Variants in ERBB4 observed in about 807,000 individuals in gnomAD.
ERBB4 encodes the protein erb-b2 receptor tyrosine kinase 4.
In ERBB4, 42 loss-of-function variants were observed where a neutral mutation model predicts 158.0. That is an observed-to-expected ratio of 0.27 (90% CI 0.21 to 0.34). The LOEUF (loss-of-function observed/expected upper bound fraction) is 0.34. Among genes scored for constraint, ERBB4 ranks in the 10% least tolerant of loss-of-function variants. The pLI, the probability that ERBB4 is intolerant of heterozygous loss-of-function variation, is 1.00. For missense variants in ERBB4, 1,333 were observed against 1,624.1 expected (o/e 0.82, Z 3.08); for synonymous variants, 583 against 558.7 (o/e 1.04, Z -0.61).
intron 2 of ERBB4, among the ~76,000 whole-genome samples, chr2:211,993,978 A>G (rs2082138383): frequency 6.6e-6 from 1 of 151,672 alleles, no homozygotes; most frequent in African/African-American, 2.4e-5. Flanking sequence ...GTCTTTTCCC[A>G]TATATTATTT....
At chr2:211,533,964 A>G (rs1193491891) in intron 20 of ERBB4, among the ~76,000 whole-genome samples, 3 of 152,118 alleles carry the variant, frequency 2.0e-5, no homozygotes, top group African/African-American at 7.2e-5. Flanking sequence ...ATGATTTCTT[A>G]TAAACCAGAA....
chr2:212,371,050 C>T (rs143113801), intron 1 of ERBB4, among the ~76,000 whole-genome samples: 2 of 152,206 alleles, frequency 1.3e-5, no homozygotes, highest in Non-Finnish European at 2.9e-5. Flanking sequence ...ATGAGTAAAA[C>T]ATGTCCACAA....
chr2:211,697,860 T>C (rs577700227), intron 12 of ERBB4, among the ~76,000 whole-genome samples: 1 of 152,304 alleles, frequency 6.6e-6, no homozygotes, highest in South Asian at 2.1e-4. Context: ...TACACAGAAA[T>C]TCCACATCTA....
intron 1 of ERBB4, among the ~76,000 whole-genome samples, chr2:212,322,457 C>T (rs1303868501): frequency 6.6e-6 from 1 of 150,492 alleles, no homozygotes; most frequent in African/African-American, 2.4e-5. Flanking sequence ...ATTTTAAAAA[C>T]TATTTTATGT....
chr2:212,505,978 CT>C (rs1691173452), intron 1 of ERBB4, among the ~76,000 whole-genome samples: 1 of 148,760 alleles, frequency 6.7e-6, no homozygotes, highest in African/African-American at 2.4e-5. Flanking sequence ...AGATTTAGAG[CT>C]TGTGGCAACC....
At chr2:211,850,528 G>C (rs2077692795) in intron 3 of ERBB4, among the ~76,000 whole-genome samples, 1 of 151,876 alleles carries the variant, frequency 6.6e-6, no homozygotes, top group Admixed American at 6.6e-5. Flanking sequence ...ACAGGGTACA[G>C]CTTTCTACAG....
intron 16 of ERBB4, among the ~76,000 whole-genome samples, chr2:211,639,914 G>T (rs1331665747): frequency 1.3e-5 from 2 of 152,036 alleles, no homozygotes; most frequent in African/African-American, 4.8e-5. Flanking sequence ...GTAGAGACAG[G>T]GTTTCACCAT....
chr2:212,125,609 T>A (rs1052703777), intron 1 of ERBB4, among the ~76,000 whole-genome samples: 5 of 152,264 alleles, frequency 3.3e-5, no homozygotes, highest in Admixed American at 6.5e-5. Flanking sequence ...TATGTTTTTC[T>A]CCTCTATGTG....
chr2:211,943,160 T>A (rs1209391432), intron 3 of ERBB4, among the ~76,000 whole-genome samples: 1 of 152,060 alleles, frequency 6.6e-6, no homozygotes, highest in Non-Finnish European at 1.5e-5. Flanking sequence ...CAACCATTAG[T>A]AACAGATGAG....
At chr2:211,901,687 T>C (rs2079239134) in intron 3 of ERBB4, among the ~76,000 whole-genome samples, 1 of 152,172 alleles carries the variant, frequency 6.6e-6, no homozygotes, top group South Asian at 2.1e-4. Context: ...TGTTTATTAC[T>C]ATGCATACAT....
chr2:212,411,980 TG>T (rs2091513366), intron 1 of ERBB4, among the ~76,000 whole-genome samples: 1 of 152,172 alleles, frequency 6.6e-6, no homozygotes, highest in Non-Finnish European at 1.5e-5. Flanking sequence ...AGATCAACTC[TG>T]GGAGTTCAAC....
At chr2:212,299,193 G>C (rs1421041105) in intron 1 of ERBB4, among the ~76,000 whole-genome samples, 1 of 151,510 alleles carries the variant, frequency 6.6e-6, no homozygotes, top group Non-Finnish European at 1.5e-5. Context: ...TAACAAATCA[G>C]ACCAACATGC....
chr2:211,518,666 A>G (rs2066106506), intron 20 of ERBB4, among the ~76,000 whole-genome samples: 1 of 151,898 alleles, frequency 6.6e-6, no homozygotes, highest in Non-Finnish European at 1.5e-5. Context: ...AAAAAAAGTT[A>G]GTGTGATTCT....
intron 1 of ERBB4, among the ~76,000 whole-genome samples, chr2:212,277,238 A>C (rs1261984559): frequency 8.6e-5 from 13 of 151,814 alleles, no homozygotes; most frequent in Non-Finnish European, 4.4e-5. Flanking sequence ...ATCAATCTTA[A>C]ACATCTTTGA....
rs746427643 is a variant in ERBB4, at chr2:211,987,541, G to A, written c.235-39925C>T. ...AGGAGAGAGAAATTTAATGAAGGAA[G>A]GGAGGAGGGTGTAAGAAAAGGAAGG... On this transcript the variant is annotated intron_variant, in intron 2 of 27. Coordinates refer to ENST00000342788, the MANE Select transcript of ERBB4 (RefSeq NM_005235.3). Among the ~76,000 whole-genome samples, 65 of 151,780 alleles carry A rather than the reference G, an allele frequency of 4.3e-4. 2 individuals are homozygous for A. Among genetic ancestry groups the A allele is most frequent in the Non-Finnish European group, 4.7e-4 (32 of 67,926 alleles).
intron 1 of ERBB4, among the ~76,000 whole-genome samples, chr2:212,146,696 C>T (rs978908359): frequency 6.6e-6 from 1 of 152,116 alleles, no homozygotes; most frequent in Non-Finnish European, 1.5e-5. Flanking sequence ...CTACGGCAAG[C>T]ATTCACTCTA....
intron 1 of ERBB4, among the ~76,000 whole-genome samples, chr2:212,310,124 A>C (rs2086974288): frequency 6.6e-6 from 1 of 150,756 alleles, no homozygotes; most frequent in Admixed American, 6.6e-5. Flanking sequence ...ATAAAGTCTA[A>C]TATAGGGACT....
In ERBB4 at chr2:212,191,815, T is replaced by TG. The variant is rs2082243383; in HGVS notation, c.83-66913_83-66912insC. 1.1e-4 allele frequency among the ~76,000 whole-genome samples: 15 copies of TG among 137,256 alleles called. No homozygotes were observed. In the South Asian group the frequency reaches 3.4e-3, roughly 31 times the overall value. The allele number at this position is 137,256 out of a possible 152,430, so 90.0% of individuals were successfully genotyped here. ...TTCTATATGTTATATATAATACATGTTATATATGTTCTATGTTATATATAA... is the reference window on the plus strand; with the variant it reads ...TTCTATATGTTATATATAATACATGTGTATATATGTTCTATGTTATATATAA... On this transcript the variant is annotated intron_variant, in intron 1 of 27. Transcript: ENST00000342788.
In ERBB4 at chr2:211,681,439, T is replaced by G. The variant is rs549540018; in HGVS notation, c.1490-2255A>C. Reference sequence around the variant, plus strand: ...ATTAACTTTTTAAGAAACTGTCAAATTGTTTTTCAAAGTAGTTGTACCATT... The same window carrying G: ...ATTAACTTTTTAAGAAACTGTCAAAGTGTTTTTCAAAGTAGTTGTACCATT... On this transcript the variant is annotated intron_variant, in intron 12 of 27. Transcript: ENST00000342788. Among the ~76,000 whole-genome samples the G allele has an allele frequency of 4.6e-5, 7 of 152,296 alleles. No individual in the cohort carries two copies. The East Asian group carries it at 1.4e-3, about 29-fold the overall frequency.
Sources: allele counts gnomAD v4.1 joint callset (sites outside exome capture counted in the v4.1 genomes callset), GRCh38; gene constraint gnomAD v4.1.1; transcripts MANE v1.5; gene names NCBI Gene and HGNC (gene_info 2026-07-23, HGNC 2026-07-21).